Variants in KIF11 observed in about 807,000 individuals in gnomAD.
The protein encoded by KIF11 is kinesin-like protein KIF11.
KIF11 carries 9 observed loss-of-function variants against 121.0 expected under a neutral mutation model. The ratio of observed to expected loss-of-function variants is 0.07; its 90% CI spans 0.04 to 0.13. KIF11 has a LOEUF of 0.13. Ranked by LOEUF, KIF11 falls within the 10% of genes least tolerant of loss-of-function variation. The probability of loss-of-function intolerance (pLI) is 1.00; values close to 1 mark genes in which losing one functional copy is unlikely to be tolerated. For missense variants in KIF11, 846 were observed against 1,217.5 expected (o/e 0.69, Z 4.54); for synonymous variants, 408 against 421.0 (o/e 0.97, Z 0.38).
At chr10:92,610,628 C>T (rs549310472) in intron 6 of KIF11, among the ~76,000 whole-genome samples, 7 of 152,116 alleles carry the variant, frequency 4.6e-5, no homozygotes, top group African/African-American at 9.6e-5. Flanking sequence ...CTCAGTTTCG[C>T]GGTTAATTCA....
chr10:92,615,065 C>T (rs1031730414), intron 8 of KIF11, among the ~76,000 whole-genome samples: 13 of 151,920 alleles, frequency 8.6e-5, no homozygotes, highest in Non-Finnish European at 5.9e-5. Context: ...CAAAATGCTG[C>T]GATTATAGGC....
At chr10:92,621,068 C>T (rs1177642782) in intron 9 of KIF11, among the ~76,000 whole-genome samples, 3 of 152,170 alleles carry the variant, frequency 2.0e-5, no homozygotes, top group African/African-American at 4.8e-5. Flanking sequence ...TGCCTCAGTC[C>T]TGGAATCAGA....
At chr10:92,647,120 C>CT (rs1304716719) in intron 18 of KIF11, among the ~76,000 whole-genome samples, 1 of 152,172 alleles carries the variant, frequency 6.6e-6, no homozygotes, top group African/African-American at 2.4e-5. Flanking sequence ...ATGAAATACT[C>CT]TTGCTAAAAA....
chr10:92,651,515 T>C (rs1374031581), intron 21 of KIF11, among the ~76,000 whole-genome samples: 1,171 of 45,626 alleles, frequency 0.026, 46 homozygotes, highest in South Asian at 0.12. Context: ...TTGTTTTTTT[T>C]TTTTTTTTTT....
intron 10 of KIF11, among the ~76,000 whole-genome samples, chr10:92,628,005 T>G (rs764545154): frequency 2.5e-4 from 38 of 152,174 alleles, no homozygotes; most frequent in Non-Finnish European, 4.9e-4. Context: ...ACCTGGAAAT[T>G]CTGCTGCAAT....
At chr10:92,608,923 T>C (rs1264313525) in intron 4 of KIF11, 97 bp from the exon 5 acceptor site, 1 of 640,800 alleles carries the variant, frequency 1.6e-6, no homozygotes, top group Non-Finnish European at 2.5e-6. Context: ...TGCTTTGCCA[T>C]ACTTATGTTT....
intron 11 of KIF11, 86 bp downstream of exon 11, chr10:92,628,981 T>C: frequency 2.5e-6 from 2 of 791,928 alleles, no homozygotes; most frequent in Middle Eastern, 3.8e-4. Flanking sequence ...TATTTTTTCC[T>C]TCAAGATTTT....
intron 3 of KIF11, 81 bp from the exon 4 acceptor site, chr10:92,607,077 TG>T: frequency 1.5e-5 from 12 of 823,930 alleles, no homozygotes; most frequent in African/African-American, 5.2e-5. Flanking sequence ...GTGCCTGGCT[TG>T]TTTTTTGTTT....
At position 92,653,319 on chromosome 10, in the gene KIF11, T is replaced by C. The variant is rs530809594; in HGVS notation, c.3040-346T>C. Among the ~76,000 whole-genome samples the C allele has an allele frequency of 4.6e-5, 7 of 152,340 alleles. No individual in the cohort carries two copies. In the East Asian group the frequency reaches 1.2e-3, roughly 25 times the overall value. ...ACTCAAAGCCAGTAGCACTCCCTGA[T>C]TGTAACACCAAAAAAGTCTCTCAGC... On this transcript the variant is annotated intron_variant, in intron 21 of 21. Transcript: ENST00000260731.
chr10:92,597,033 TC>T, intron 1 of KIF11: 1 of 394,858 alleles, frequency 2.5e-6, no homozygotes, highest in South Asian at 2.2e-5. Flanking sequence ...TTCCTGGATC[TC>T]CAAACCAAAG....
intron 14 of KIF11, 124 bp from the exon 15 acceptor site, chr10:92,637,060 A>T: frequency 5.1e-5 from 31 of 602,900 alleles, no homozygotes; most frequent in Non-Finnish European, 7.8e-5. Context: ...AAAAGAATGG[A>T]GAATGGAAAT....
intron 17 of KIF11, 68 bp from the exon 18 acceptor site, chr10:92,645,295 C>A: frequency 8.5e-7 from 1 of 1,171,898 alleles, no homozygotes; most frequent in Non-Finnish European, 1.2e-6. Context: ...GCTGAGTGAT[C>A]TTGGGAAGTT....
At chr10:92,644,857 T>G (rs1265416265) in intron 17 of KIF11, among the ~76,000 whole-genome samples, 1 of 152,246 alleles carries the variant, frequency 6.6e-6, no homozygotes, top group Non-Finnish European at 1.5e-5. Context: ...AAGTTTATGT[T>G]ACATTGTTCT....
intron 17 of KIF11, 69 bp from the exon 18 acceptor site, chr10:92,645,294 T>C: frequency 1.7e-6 from 2 of 1,149,034 alleles, no homozygotes; most frequent in Non-Finnish European, 2.5e-6. Context: ...AGCTGAGTGA[T>C]CTTGGGAAGT....
chr10:92,634,273 G>A (rs944482470), intron 14 of KIF11, among the ~76,000 whole-genome samples: 9 of 151,634 alleles, frequency 5.9e-5, no homozygotes, highest in East Asian at 2.0e-4. Context: ...ATGAGCCACC[G>A]TGCCCAGCCA....
chr10:92,613,361 A>C lies in KIF11; in HGVS notation c.790-16A>C. The C allele has an allele frequency of 3.2e-6, 5 of 1,541,134 alleles. No individual in the cohort carries two copies. The highest frequency in any genetic ancestry group is 1.7e-4 in the Middle Eastern group (1 of 5,788). ...TCCAATAGACTCACTTTTTATTTTT[A>C]TTTTTAAAATTAAAGGTTGATCTTG... is the stretch of plus-strand genomic sequence containing the variant. On this transcript the variant is annotated splice_polypyrimidine_tract_variant and intron_variant, in intron 7 of 21. Transcript: ENST00000260731. The surrounding 1 kb of genome is among the most constrained non-coding windows in gnomAD (Gnocchi z 4.2).
chr10:92,620,187 T>C (rs1217258710), intron 9 of KIF11, among the ~76,000 whole-genome samples: 1 of 151,682 alleles, frequency 6.6e-6, no homozygotes, highest in African/African-American at 2.4e-5. Context: ...TTCACACCAT[T>C]CTCCTGCCTT....
chr10:92,628,758 G>A (rs1173453644), intron 10 of KIF11, 50 bp from the exon 11 acceptor site: 3 of 954,990 alleles, frequency 3.1e-6, no homozygotes, highest in Non-Finnish European at 3.2e-6. Context: ...CATTTTATAG[G>A]AGTTAGAAAA....
intron 17 of KIF11, among the ~76,000 whole-genome samples, chr10:92,644,404 C>T (rs1438956665): frequency 6.6e-6 from 1 of 152,126 alleles, no homozygotes; most frequent in East Asian, 1.9e-4. Flanking sequence ...CAACCTCTGC[C>T]TCCTAGGGTC....
Sources: allele counts gnomAD v4.1 joint callset (sites outside exome capture counted in the v4.1 genomes callset), GRCh38; gene constraint gnomAD v4.1.1; non-coding constraint Gnocchi (gnomAD v3.1); transcripts MANE v1.5; gene names NCBI Gene and HGNC (gene_info 2026-07-23, HGNC 2026-07-21).